Variants in RANBP6 observed in about 807,000 individuals in gnomAD.
The protein encoded by RANBP6 is RAN binding protein 6.
Under a neutral mutation model 35.3 loss-of-function variants are expected in RANBP6, and 10 were observed. That is an observed-to-expected ratio of 0.28 (90% confidence interval 0.17 to 0.48). The LOEUF (loss-of-function observed/expected upper bound fraction) is 0.48. Ranked by LOEUF, RANBP6 falls within the 20% of genes least tolerant of loss-of-function variation. The probability of loss-of-function intolerance (pLI) is 0.99; values close to 1 mark genes in which losing one functional copy is unlikely to be tolerated. For synonymous variants in RANBP6, 514 were observed against 464.2 expected (o/e 1.11, Z -1.38); for missense variants, 1,392 against 1,307.7 (o/e 1.06, Z -0.99).
chr9:6,014,186 A>T lies in RANBP6; in HGVS notation c.1422T>A (p.Leu474=). 1 of 1,613,786 alleles carries T rather than the reference A, an allele frequency of 6.2e-7. No individual in the cohort carries two copies. Among genetic ancestry groups the T allele is most frequent in the Non-Finnish European group, 8.5e-7 (1 of 1,179,944 alleles). ...QRVQSHAASA[L]IIFIEDCPKS... ...TAGGGCAGTCTTCAATAAAAATAAT[A>T]AGAGCAGAAGCTGCATGTGATTGCA... The change falls in exon 1 of 1, where the codon CTT becomes CTA. Residue 474 remains leucine, a synonymous_variant. Transcript: ENST00000259569.
Position 6,015,419 on chromosome 9 carries a change from A to C in RANBP6, c.189T>G (p.Gly63=). Residue 63 remains glycine (G), a synonymous_variant, in exon 1 of 1, where the codon GGT becomes GGG. Coordinates refer to ENST00000259569, the MANE Select transcript of RANBP6 (RefSeq NM_012416.4). ...LLDAVRNRRA[G]YEVRQMAAAL... ...CGGCAGCCATTTGTCTCACCTCATAACCTGCTCTTCTATTTCTGACGGCAT... is the reference window on the plus strand; with the variant it reads ...CGGCAGCCATTTGTCTCACCTCATACCCTGCTCTTCTATTTCTGACGGCAT... The C allele has an allele frequency of 6.2e-7, 1 of 1,614,122 alleles. No homozygotes were observed.
chr9:6,011,457 G>A lies in RANBP6; in HGVS notation c.*833C>T, dbSNP rs1489986641. The A allele has an allele frequency of 6.6e-6, 1 of 152,026 alleles. No homozygotes were observed. Among genetic ancestry groups the A allele is most frequent in the African/African-American group, 2.4e-5 (1 of 41,396 alleles). 9.4% of individuals were successfully genotyped at this position (152,026 alleles called of 1,614,324 possible). On this transcript the variant is annotated 3_prime_UTR_variant, in exon 1 of 1. Transcript: ENST00000259569. ...TATAACTAGAGCTTTTTCTCTTGTT[G>A]AGCTGCTTTGCAGGGAGAAAATGGC...
Position 6,012,627 on chromosome 9 carries a change from C to G in RANBP6, c.2981G>C (p.Cys994Ser), listed in dbSNP as rs1474698735. 2 of 1,613,984 alleles carry G rather than the reference C, an allele frequency of 1.2e-6. No individual in the cohort carries two copies. Among genetic ancestry groups the G allele is most frequent in the South Asian group, 1.1e-5 (1 of 91,040 alleles). Reference sequence around the variant, plus strand: ...TGGAAGAACTTCATCTACATTTACACAGTTAGGCTTAAACTTCAAAATCTT... The same window carrying G: ...TGGAAGAACTTCATCTACATTTACAGAGTTAGGCTTAAACTTCAAAATCTT... ...IGKILKFKPNCVNVDEVLPHW... is the reference protein window; with the variant it reads ...IGKILKFKPNSVNVDEVLPHW... The change falls in exon 1 of 1, where the codon TGT (cysteine) becomes TCT (serine). Residue 994 changes from cysteine (C) to serine (S), a missense_variant. Coordinates refer to ENST00000259569, the MANE Select transcript of RANBP6 (RefSeq NM_012416.4).
Position 6,015,374 on chromosome 9 carries a change from C to G in RANBP6, c.234G>C (p.Leu78Phe). 1 of 1,614,210 alleles carries G rather than the reference C, an allele frequency of 6.2e-7. No homozygotes were observed. ...GATAAACCTCCTCAAACCCAGAGGA[C>G]AAAAGCCGTCGTAGCAGTGCGGCAG... ...QMAAALLRRL[L>F]SSGFEEVYPN... Residue 78 changes from leucine (L) to phenylalanine (F), a missense_variant, in exon 1 of 1, where the codon TTG (leucine) becomes TTC (phenylalanine). Leu to Phe is a conservative substitution (Grantham distance 22). Coordinates refer to ENST00000259569, the MANE Select transcript of RANBP6 (RefSeq NM_012416.4).
rs759501306 is a variant in RANBP6, at chr9:6,014,437, A to G, written c.1171T>C (p.Ser391Pro). The G allele has an allele frequency of 6.2e-7, 1 of 1,614,224 alleles. No homozygotes were observed. The highest frequency in any genetic ancestry group is 1.1e-5 in the South Asian group (1 of 91,084). Residue 391 changes from serine (S) to proline (P), a missense_variant, in exon 1 of 1, where the codon TCT becomes CCT. Coordinates refer to ENST00000259569, the MANE Select transcript of RANBP6 (RefSeq NM_012416.4). ...KYRHAGLMAL[S>P]AIGEGCHQQM... ...TGATGGCATCCTTCTCCAATGGCAG[A>G]TAAGGCCATTAATCCAGCATGTCGA...
In RANBP6 at chr9:6,014,741, T is replaced by G; in HGVS notation, c.867A>C (p.Glu289Asp). The G allele has an allele frequency of 6.2e-7, 1 of 1,614,188 alleles. No individual in the cohort carries two copies. The highest frequency in any genetic ancestry group is 8.5e-7 in the Non-Finnish European group (1 of 1,180,044). The change falls in exon 1 of 1, where the codon GAA becomes GAC. Residue 289 changes from glutamate (E) to aspartate (D), a missense_variant. Transcript: ENST00000259569. Reference sequence around the variant, plus strand: ...CAGTTTCAGACAAGGTCACTATAACTTCGAGGGCCAGCTGGCGCTGCAGAT... The same window carrying G: ...CAGTTTCAGACAAGGTCACTATAACGTCGAGGGCCAGCTGGCGCTGCAGAT... ...LSNLQRQLAL[E>D]VIVTLSETAT... is the part of the protein sequence containing the mutation.
At position 6,012,892 on chromosome 9, in the gene RANBP6, T is replaced by C; in HGVS notation, c.2716A>G (p.Thr906Ala). Residue 906 changes from threonine to alanine, a missense_variant, in exon 1 of 1, where the codon ACT becomes GCT. Physicochemically the swap from Thr to Ala is moderately conservative, Grantham distance 58. Coordinates refer to ENST00000259569, the MANE Select transcript of RANBP6 (RefSeq NM_012416.4). ...FDDIIEHCSP[T>A]SFKYVEYFRW... ...AAATATTCTACATATTTAAATGAAG[T>C]TGGACTGCAGTGCTCTATGATGTCA... 4 of 1,614,182 alleles carry C rather than the reference T, an allele frequency of 2.5e-6. No individual in the cohort carries two copies. The highest frequency in any genetic ancestry group is 1.3e-5 in the African/African-American group (1 of 75,068).
chr9:6,013,433 G>T lies in RANBP6; in HGVS notation c.2175C>A (p.Asp725Glu). The T allele has an allele frequency of 6.2e-7, 1 of 1,614,170 alleles. No homozygotes were observed. The highest frequency in any genetic ancestry group is 1.1e-5 in the South Asian group (1 of 91,086). The change falls in exon 1 of 1, where the codon GAC becomes GAA. Residue 725 changes from aspartate to glutamate, a missense_variant. Transcript: ENST00000259569. ...MVPLLKFYFH[D>E]NVRVAAAESM... ...ACTCTGCTGCTGCCACTCGAACATTGTCATGGAAATAAAATTTCAGTAAAG... is the reference window on the plus strand; with the variant it reads ...ACTCTGCTGCTGCCACTCGAACATTTTCATGGAAATAAAATTTCAGTAAAG...
Position 6,014,459 on chromosome 9 carries a change from T to G in RANBP6, c.1149A>C (p.Arg383=). The G allele has an allele frequency of 6.2e-7, 1 of 1,614,236 alleles. No individual in the cohort carries two copies. The highest frequency in any genetic ancestry group is 8.5e-7 in the Non-Finnish European group (1 of 1,180,054). ...CAGATAAGGCCATTAATCCAGCATG[T>G]CGATACTTCCAGTCAGGGCTCTGAA... ...QMLQSPDWKY[R]HAGLMALSAI... is the part of the protein sequence containing the mutation. Residue 383 remains arginine, a synonymous_variant, in exon 1 of 1, where the codon CGA becomes CGC. Transcript: ENST00000259569.
At position 6,014,248 on chromosome 9, in the gene RANBP6, G is replaced by C; in HGVS notation, c.1360C>G (p.Leu454Val). The C allele has an allele frequency of 6.2e-7, 1 of 1,614,154 alleles. No homozygotes were observed. ...KKFHETVIAA[L>V]LRTMENQGNQ... ...CCTTGATTTTCCATGGTACGTAACA[G>C]AGCTGCAATCACTGTTTCATGAAAT... The change falls in exon 1 of 1, where the codon CTG becomes GTG. Residue 454 changes from leucine to valine, a missense_variant. Coordinates refer to ENST00000259569, the MANE Select transcript of RANBP6 (RefSeq NM_012416.4).
At position 6,012,063 on chromosome 9, in the gene RANBP6, T is replaced by C. The variant is rs1842480955; in HGVS notation, c.*227A>G. ...ACTAGGGGAAAGGTGACAAACATTGTTTAAGACAGTTTGAAGCACAGGTTA... is the reference window on the plus strand; with the variant it reads ...ACTAGGGGAAAGGTGACAAACATTGCTTAAGACAGTTTGAAGCACAGGTTA... On this transcript the variant is annotated 3_prime_UTR_variant, in exon 1 of 1. Coordinates refer to ENST00000259569, the MANE Select transcript of RANBP6 (RefSeq NM_012416.4). 1 of 397,582 alleles carries C rather than the reference T, an allele frequency of 2.5e-6. No individual in the cohort carries two copies. Among genetic ancestry groups the C allele is most frequent in the Non-Finnish European group, 4.5e-6 (1 of 223,636 alleles). 24.6% of individuals were successfully genotyped at this position (397,582 alleles called of 1,614,324 possible).
In RANBP6 at chr9:6,013,645, C is replaced by T. The variant is rs1259339957; in HGVS notation, c.1963G>A (p.Asp655Asn). The change falls in exon 1 of 1, where the codon GAT becomes AAT. Residue 655 changes from aspartate to asparagine, a missense_variant. Physicochemically the swap from Asp to Asn is conservative, Grantham distance 23. Coordinates refer to ENST00000259569, the MANE Select transcript of RANBP6 (RefSeq NM_012416.4). ...TCATCGTCACTCATATTTTCCACAT[C>T]CTGTGTGTCTAAGAGAGCAACATCA... ...KPDVALLDTQ[D>N]VENMSDDDGW... 1.9e-6 allele frequency: 3 copies of T among 1,614,206 alleles called. No homozygotes were observed. Among genetic ancestry groups the T allele is most frequent in the Non-Finnish European group, 8.5e-7 (1 of 1,180,032 alleles).
At position 6,014,944 on chromosome 9, in the gene RANBP6, A is replaced by G. The variant is rs758266891; in HGVS notation, c.664T>C (p.Phe222Leu). 3.1e-6 allele frequency: 5 copies of G among 1,614,102 alleles called. No homozygotes were observed. The highest frequency in any genetic ancestry group is 4.2e-6 in the Non-Finnish European group (5 of 1,180,056). ...AAGATTCCAGGAAGCAAGTCTGCAA[A>G]GTCTTTGAAAAGAGCAATATTATTC... ...NENNIALFKD[F>L]ADLLPGILQA... is the part of the protein sequence containing the mutation. The change falls in exon 1 of 1, where the codon TTT (phenylalanine) becomes CTT (leucine). Residue 222 changes from phenylalanine (F) to leucine (L), a missense_variant. Physicochemically the swap from Phe to Leu is conservative, Grantham distance 22. Transcript: ENST00000259569.
rs938839753 is a variant in RANBP6, at chr9:6,011,502, C to G, written c.*788G>C. 2 of 152,124 alleles carry G rather than the reference C, an allele frequency of 1.3e-5. No homozygotes were observed. Among genetic ancestry groups the G allele is most frequent in the Admixed American group, 1.3e-4 (2 of 15,280 alleles). 9.4% of individuals were successfully genotyped at this position (152,124 alleles called of 1,614,324 possible). A position where few individuals can be genotyped will look rare whatever the true frequency, so the allele number is the denominator to read the frequency against. On this transcript the variant is annotated 3_prime_UTR_variant, in exon 1 of 1. Transcript: ENST00000259569. ...AATGGCATACATATACAAAATAATA[C>G]TCTGCTGAAACACATAACACTGACT...
chr9:6,015,103 T>A lies in RANBP6; in HGVS notation c.505A>T (p.Ile169Phe). 6.2e-7 allele frequency: 1 copy of A among 1,614,054 alleles called. No individual in the cohort carries two copies. The highest frequency in any genetic ancestry group is 1.1e-5 in the South Asian group (1 of 91,072). The part of the protein sequence containing the change: ...ALHVFWHFPG[I>F]FGTQERHDLD... The stretch of plus-strand genomic sequence containing the variant: ...TCATGCCGCTCTTGGGTCCCAAAAA[T>A]CCCAGGAAAGTGCCAGAAAACGTGA... The change falls in exon 1 of 1, where the codon ATT becomes TTT. Residue 169 changes from isoleucine to phenylalanine, a missense_variant. By Grantham distance (21) the Ile-to-Phe change is conservative. Coordinates refer to ENST00000259569, the MANE Select transcript of RANBP6 (RefSeq NM_012416.4).
Position 6,013,409 on chromosome 9 carries a change from C to T in RANBP6, c.2199G>A (p.Glu733=). 1 of 1,614,230 alleles carries T rather than the reference C, an allele frequency of 6.2e-7. No homozygotes were observed. Among genetic ancestry groups the T allele is most frequent in the Non-Finnish European group, 8.5e-7 (1 of 1,180,032 alleles). The change falls in exon 1 of 1, where the codon GAG becomes GAA. Residue 733 remains glutamate (E), a synonymous_variant. Transcript: ENST00000259569. ...CACATTCCAGGAGAAAAGGCATGGA[C>T]TCTGCTGCTGCCACTCGAACATTGT... The part of the protein sequence containing the change: ...FHDNVRVAAA[E]SMPFLLECAR...
rs762603887 is a variant in RANBP6, at chr9:6,015,185, C to G, written c.423G>C (p.Leu141=). The G allele has an allele frequency of 4.3e-6, 7 of 1,614,050 alleles. No individual in the cohort carries two copies. In the African/African-American group the frequency reaches 8.0e-5, roughly 18 times the overall value. ...AGTAGATTGAATCAATAAGAAACTT[C>G]AGACCTTCCGGCCAGTGGTTAGTGC... The part of the protein sequence containing the change: ...EDGTNHWPEG[L]KFLIDSIYSK... Residue 141 remains leucine (L), a synonymous_variant, in exon 1 of 1, where the codon CTG becomes CTC. Transcript: ENST00000259569.
Position 6,014,080 on chromosome 9 carries a change from G to C in RANBP6, c.1528C>G (p.Arg510Gly). Residue 510 changes from arginine (R) to glycine (G), a missense_variant, in exon 1 of 1, where the codon CGG (arginine) becomes GGG (glycine). Physicochemically the swap from Arg to Gly is moderately radical, Grantham distance 125 (BLOSUM62 -2). Coordinates refer to ENST00000259569, the MANE Select transcript of RANBP6 (RefSeq NM_012416.4). ...TCCAAAGCCAACTTAGTTCCATTCCGAATCAACTCTTGAAGTTTAATCACC... is the reference window on the plus strand; with the variant it reads ...TCCAAAGCCAACTTAGTTCCATTCCCAATCAACTCTTGAAGTTTAATCACC... ...VLVIKLQELI[R>G]NGTKLALEQL... 3 of 1,613,898 alleles carry C rather than the reference G, an allele frequency of 1.9e-6. No homozygotes were observed. The highest frequency in any genetic ancestry group is 2.5e-6 in the Non-Finnish European group (3 of 1,179,984).
rs889454157 is a variant in RANBP6, at chr9:6,012,100, T to C, written c.*190A>G. The stretch of plus-strand genomic sequence containing the variant: ...TGAAGCACAGGTTATCACCAAGGTC[T>C]GTGTTTGGAAGATAAAACATGCGAG... On this transcript the variant is annotated 3_prime_UTR_variant, in exon 1 of 1. Coordinates refer to ENST00000259569, the MANE Select transcript of RANBP6 (RefSeq NM_012416.4). The C allele has an allele frequency of 2.8e-5, 13 of 461,426 alleles. No individual in the cohort carries two copies. The highest frequency in any genetic ancestry group is 2.2e-4 in the African/African-American group (11 of 49,976). 28.6% of individuals were successfully genotyped at this position (461,426 alleles called of 1,614,324 possible). A position where few individuals can be genotyped will look rare whatever the true frequency, so the allele number is the denominator to read the frequency against.
Sources: gnomAD v4.1 joint callset for allele counts on GRCh38, gnomAD v4.1.1 for gene constraint, MANE v1.5 for transcripts, NCBI Gene and HGNC (gene_info 2026-07-23, HGNC 2026-07-21) for gene names.